BCAR3: variants seen among roughly 807,000 people sequenced by gnomAD.
The protein encoded by BCAR3 is BCAR3 adaptor protein, NSP family member.
Under a neutral mutation model 80.1 loss-of-function variants are expected in BCAR3, and 37 were observed. The observed-to-expected ratio is 0.46, with a 90% confidence interval of 0.36 to 0.61. The LOEUF is 0.61. BCAR3 is among the 20% of genes least tolerant of loss of function. BCAR3 has a pLI of 0.00. For synonymous variants in BCAR3, 389 were observed against 418.9 expected, an observed-to-expected ratio of 0.93 and a Z score of 0.87; for missense variants, 978 against 1,068.2, an observed-to-expected ratio of 0.92 and a Z score of 1.18.
chr1:93,580,764 G>A (rs74101618), intron 7 of BCAR3, among the ~76,000 whole-genome samples: 2,375 of 152,182 alleles, frequency 0.016, 61 homozygotes, highest in African/African-American at 0.054. Flanking sequence ...AACGAATCCC[G>A]ACGGATCTGA....
chr1:93,776,469 G>T (rs975972419), intron 2 of BCAR3, among the ~76,000 whole-genome samples: 1 of 151,972 alleles, frequency 6.6e-6, no homozygotes, highest in Non-Finnish European at 1.5e-5. Context: ...TTAAACTGTC[G>T]ATAAGCCATT....
chr1:93,613,778 T>C, intron 3 of BCAR3: 1 of 1,518,270 alleles, frequency 6.6e-7, no homozygotes, highest in Non-Finnish European at 8.9e-7. Flanking sequence ...TATTGCCCTT[T>C]AGGAAACTCA....
At position 93,576,116 on chromosome 1, in the gene BCAR3, AG is replaced by A; in HGVS notation, c.1699del (p.Gly568GlufsTer6). On this transcript the variant is annotated frameshift_variant, in exon 8 of 12. Coordinates refer to ENST00000260502, the MANE Select transcript of BCAR3 (RefSeq NM_003567.4). LOFTEE classifies it high-confidence loss of function. ...LSMDCRVARILGVSEEMRRNM... is the reference protein window; with the variant it reads ...LSMDCRVARIXGVSEEMRRNM... ...CCTCCTCATCTCTTCAGAGACTCCA[AG>A]TATCCTAGCAACCTGTCAAGAGCCA... 6.2e-7 allele frequency: 1 copy of A among 1,614,164 alleles called. No individual in the cohort carries two copies. Among genetic ancestry groups the A allele is most frequent in the Non-Finnish European group, 8.5e-7 (1 of 1,180,004 alleles).
At chr1:93,745,188 C>T (rs991596728) in intron 2 of BCAR3, among the ~76,000 whole-genome samples, 2 of 152,222 alleles carry the variant, frequency 1.3e-5, no homozygotes, top group Non-Finnish European at 2.9e-5. Flanking sequence ...GCTCCAAGAA[C>T]CTGCTGGTTT....
chr1:93,660,286 A>G (rs1294561919), intron 2 of BCAR3, among the ~76,000 whole-genome samples: 3 of 152,218 alleles, frequency 2.0e-5, no homozygotes, highest in Non-Finnish European at 2.9e-5. Flanking sequence ...CAGCAACAGA[A>G]CAGCACTGCT....
chr1:93,748,105 C>A (rs550756137), intron 2 of BCAR3, among the ~76,000 whole-genome samples: 1 of 152,282 alleles, frequency 6.6e-6, no homozygotes, highest in Non-Finnish European at 1.5e-5. Flanking sequence ...TTTCCTAATT[C>A]ATTCATTTAT....
At chr1:93,814,199 A>G (rs1653941852) in intron 2 of BCAR3, among the ~76,000 whole-genome samples, 1 of 152,114 alleles carries the variant, frequency 6.6e-6, no homozygotes, top group African/African-American at 2.4e-5. Flanking sequence ...GTTATTCTCA[A>G]CATTGCATCA....
At chr1:93,596,730 C>G (rs1570950697) in intron 3 of BCAR3, among the ~76,000 whole-genome samples, 1 of 152,248 alleles carries the variant, frequency 6.6e-6, no homozygotes, top group Middle Eastern at 3.4e-3. Flanking sequence ...TAACATTTGC[C>G]CTTGAGTTTG....
At chr1:93,658,232 C>T (rs565040661) in intron 2 of BCAR3, among the ~76,000 whole-genome samples, 52 of 152,236 alleles carry the variant, frequency 3.4e-4, no homozygotes, top group African/African-American at 1.1e-3. Flanking sequence ...AGCCACCGCG[C>T]CCAGTCCGTT....
chr1:93,772,143 A>G (rs1652377144), intron 2 of BCAR3, among the ~76,000 whole-genome samples: 1 of 152,242 alleles, frequency 6.6e-6, no homozygotes, highest in African/African-American at 2.4e-5. Flanking sequence ...AGACGTCAGC[A>G]GGGGCCAAAT....
chr1:93,676,414 T>C (rs1049137053), intron 1 of BCAR3, among the ~76,000 whole-genome samples: 18 of 152,182 alleles, frequency 1.2e-4, no homozygotes, highest in African/African-American at 3.6e-4. Flanking sequence ...GGGGGTGAGA[T>C]GGAAGGAGCA....
intron 2 of BCAR3, among the ~76,000 whole-genome samples, chr1:93,658,483 CAAA>C (rs1284302603): frequency 7.2e-6 from 1 of 139,728 alleles, no homozygotes; most frequent in East Asian, 2.1e-4. Flanking sequence ...CCCGTCTCTA[CAAA>C]AAAAAAAATA....
intron 9 of BCAR3, among the ~76,000 whole-genome samples, chr1:93,570,146 A>G (rs1435878816): frequency 6.6e-6 from 1 of 152,178 alleles, no homozygotes; most frequent in African/African-American, 2.4e-5. Flanking sequence ...ACCCCCCACA[A>G]ATTCCCGATG....
chr1:93,627,520 A>G (rs1675487405), intron 3 of BCAR3, among the ~76,000 whole-genome samples: 1 of 152,212 alleles, frequency 6.6e-6, no homozygotes, highest in Non-Finnish European at 1.5e-5. Flanking sequence ...GTAACACAAA[A>G]CAACAGAGTG....
rs760911546 is a variant in BCAR3 at position 93,573,609 on chromosome 1, T to TTTTTTATTATTATTATTA, written c.1803-1769_1803-1768insTAATAATAATAATAAAAA. Among the ~76,000 whole-genome samples the TTTTTTATTATTATTATTA allele has an allele frequency of 4.5e-3, 644 of 142,762 alleles. 10 individuals carry two copies. Among genetic ancestry groups the TTTTTTATTATTATTATTA allele is most frequent in the African/African-American group, 0.016 (608 of 37,128 alleles). 93.7% of individuals were successfully genotyped at this position (142,762 alleles called of 152,430 possible). ...TCCAAACATAGACCTAAAATATATT[T>TTTTTTATTATTATTATTA]TTATTATTATTATTATTATTATTAT... On this transcript the variant is annotated intron_variant, in intron 8 of 11. Coordinates refer to ENST00000260502, the MANE Select transcript of BCAR3 (RefSeq NM_003567.4).
chr1:93,588,865 A>T (rs1674053861), intron 5 of BCAR3, 112 bp downstream of exon 5: 1 of 1,194,642 alleles, frequency 8.4e-7, no homozygotes, highest in Non-Finnish European at 1.1e-6. Context: ...AACAGTCGGC[A>T]TTCCTATTAA....
At chr1:93,842,935 A>G (rs1388694232) in intron 2 of BCAR3, among the ~76,000 whole-genome samples, 1 of 152,212 alleles carries the variant, frequency 6.6e-6, no homozygotes, top group Non-Finnish European at 1.5e-5. Flanking sequence ...CTGGCTCAGT[A>G]ATCACACTCA....
intron 2 of BCAR3, among the ~76,000 whole-genome samples, chr1:93,747,508 A>G (rs990199844): frequency 5.9e-5 from 9 of 151,646 alleles, no homozygotes. Context: ...ATGAGATTAA[A>G]CGAACCTTGA....
chr1:93,709,056 C>T (rs761029405), intron 2 of BCAR3, among the ~76,000 whole-genome samples: 7 of 152,068 alleles, frequency 4.6e-5, no homozygotes, highest in African/African-American at 1.2e-4. Context: ...AGAAGTGCTG[C>T]GATAAGCTAA....
Sources: gnomAD v4.1 joint callset for allele counts (sites outside exome capture counted in the v4.1 genomes callset) on GRCh38, gnomAD v4.1.1 for gene constraint, MANE v1.5 for transcripts, NCBI Gene and HGNC (gene_info 2026-07-23, HGNC 2026-07-21) for gene names.